The following CANX variants were observed in gnomAD, a reference collection of about 807,000 sequenced individuals.
The protein encoded by CANX is epididymis secretory sperm binding protein.
In CANX, 14 loss-of-function variants were observed where a neutral mutation model predicts 75.7. The ratio of observed to expected loss-of-function variants is 0.19; its 90% CI spans 0.12 to 0.29. The LOEUF is 0.29. CANX is among the 10% of genes least tolerant of loss of function. The pLI is 1.00. For synonymous variants in CANX, 227 were observed against 236.9 expected (o/e 0.96, Z 0.38); for missense variants, 567 against 713.2 (o/e 0.79, Z 2.34).
At chr5:179,719,154 C>T (rs1778150551) in intron 8 of CANX, among the ~76,000 whole-genome samples, 2 of 152,208 alleles carry the variant, frequency 1.3e-5, no homozygotes, top group Non-Finnish European at 2.9e-5. Context: ...ATTGCTGGGT[C>T]ATGTGGTAAC....
intron 1 of CANX, among the ~76,000 whole-genome samples, chr5:179,689,547 T>C (rs1488963065): frequency 6.6e-6 from 1 of 151,866 alleles, no homozygotes; most frequent in East Asian, 1.9e-4. Flanking sequence ...GCCACAATGC[T>C]TGGCTAATTT....
chr5:179,686,838 C>T (rs1286276910), intron 1 of CANX, among the ~76,000 whole-genome samples: 1 of 152,148 alleles, frequency 6.6e-6, no homozygotes, highest in Non-Finnish European at 1.5e-5. Context: ...GGGTGCAATG[C>T]ACAGTCTCGG....
Position 179,719,789 on chromosome 5 carries a change from C to G in CANX, c.1025+8C>G. On this transcript the variant is annotated splice_region_variant and intron_variant, in intron 9 of 14. Coordinates refer to ENST00000247461, the MANE Select transcript of CANX (RefSeq NM_001746.4). ...AGAGAAACCTGAGGATTGGTAAGAACTTCAGTTAACTTTTTTTAATTACCT... is the reference window on the plus strand; with the variant it reads ...AGAGAAACCTGAGGATTGGTAAGAAGTTCAGTTAACTTTTTTTAATTACCT... 1 of 1,441,670 alleles carries G rather than the reference C, an allele frequency of 6.9e-7. No individual in the cohort carries two copies. The highest frequency in any genetic ancestry group is 1.4e-5 in the African/African-American group (1 of 69,756). The allele number at this position is 1,441,670 out of a possible 1,614,324, so 89.3% of individuals were successfully genotyped here.
rs1415267225 is a variant in CANX at position 179,731,581 on chromosome 5, AC to A, written c.*2938del. 6.6e-6 allele frequency among the ~76,000 whole-genome samples: 1 copy of A among 152,050 alleles called. No homozygotes were observed. The highest frequency in any genetic ancestry group is 1.5e-5 in the Non-Finnish European group (1 of 68,020). On this transcript the variant is annotated 3_prime_UTR_variant, in exon 15 of 15. Coordinates refer to ENST00000247461, the MANE Select transcript of CANX (RefSeq NM_001746.4). ...ATTTTTCTGCTGCGTTTGTATGAAG[AC>A]ATATTTGATTGTTGTTTTCTCTTGA...
rs1347686827 is a variant in CANX at position 179,710,193 on chromosome 5, T to A, written c.721+128T>A. On this transcript the variant is annotated intron_variant, in intron 7 of 14. Transcript: ENST00000247461. ...ATCCCAGCACTTTGGGAGGCCGAGA[T>A]GGGCAGATCACCTGAGATCAGGAAT... The A allele has an allele frequency of 5.3e-6, 3 of 564,750 alleles. No individual in the cohort carries two copies. The South Asian group carries it at 6.8e-5, about 13-fold the overall frequency. 35.0% of individuals were successfully genotyped at this position (564,750 alleles called of 1,614,324 possible).
chr5:179,689,379 GTTTTTTT>G (rs958473912), intron 1 of CANX, among the ~76,000 whole-genome samples: 7 of 83,674 alleles, frequency 8.4e-5, no homozygotes, highest in East Asian at 4.1e-4. Context: ...AACCCAACAA[GTTTTTTT>G]TTTTTTTTTT....
intron 7 of CANX, among the ~76,000 whole-genome samples, chr5:179,710,690 A>G (rs1024594118): frequency 2.8e-4 from 36 of 130,190 alleles, no homozygotes; most frequent in African/African-American, 1.0e-3. Context: ...CCTAGGAGAC[A>G]GAGCAAGACT....
intron 8 of CANX, among the ~76,000 whole-genome samples, chr5:179,717,257 G>C (rs1778020234): frequency 6.6e-6 from 1 of 152,086 alleles, no homozygotes; most frequent in Admixed American, 6.6e-5. Flanking sequence ...TAAATGCCAA[G>C]TTTACTTGTA....
intron 8 of CANX, among the ~76,000 whole-genome samples, chr5:179,717,995 C>T (rs1347723528): frequency 2.0e-5 from 3 of 152,038 alleles, no homozygotes; most frequent in Admixed American, 6.6e-5. Context: ...GGATTGCAGG[C>T]GTGAGCCACC....
intron 1 of CANX, among the ~76,000 whole-genome samples, chr5:179,702,887 A>G (rs1159137437): frequency 6.6e-6 from 1 of 152,000 alleles, no homozygotes; most frequent in Non-Finnish European, 1.5e-5. Context: ...CTCCTGCCTC[A>G]GCCTCCTGAG....
At chr5:179,725,727 C>T (rs1778614215) in intron 13 of CANX, among the ~76,000 whole-genome samples, 1 of 148,174 alleles carries the variant, frequency 6.7e-6, no homozygotes, top group Non-Finnish European at 1.5e-5. Context: ...TGGTGGCTCA[C>T]GCCTGTAATC....
At chr5:179,694,869 A>C (rs1227173912), upstream of CANX, 3 of 383,274 alleles carry the variant, frequency 7.8e-6, no homozygotes, top group Admixed American at 3.8e-5. Context: ...AAAGGTAGGC[A>C]TGAGCAAGGA....
In CANX at chr5:179,699,092, GGAGGCTA is replaced by G; in HGVS notation, c.-9_-4+1del. 1 of 1,074,328 alleles carries G rather than the reference GGAGGCTA, an allele frequency of 9.3e-7. No homozygotes were observed. The allele number at this position is 1,074,328 out of a possible 1,614,324, so 66.5% of individuals were successfully genotyped here. ...GGCACGGGCACCCCCGCGGTCCCCG[GGAGGCTA>G]GAGGTGAGAGGGGAGACCTGAGCGC... On this transcript the variant is annotated 5_prime_UTR_variant, in exon 1 of 15. Transcript: ENST00000247461.
At chr5:179,719,524 T>C (rs1778172030) in intron 8 of CANX, 144 bp from the exon 9 acceptor site, 2 of 512,810 alleles carry the variant, frequency 3.9e-6, no homozygotes, top group African/African-American at 3.9e-5. Flanking sequence ...AGCAGATATA[T>C]GATTTACAAG....
At chr5:179,699,196 A>G (rs1236107355) in intron 1 of CANX, 94 bp downstream of exon 1, 1 of 766,170 alleles carries the variant, frequency 1.3e-6, no homozygotes, top group Non-Finnish European at 1.6e-6. Context: ...GTGGCCGGCG[A>G]CTGAGGGGTC....
intron 1 of CANX, among the ~76,000 whole-genome samples, chr5:179,686,175 G>A (rs1280005297): frequency 7.2e-6 from 1 of 139,528 alleles, no homozygotes. Flanking sequence ...TTGGCTCACT[G>A]CAACCTCCAC....
At chr5:179,705,344 G>A (rs1307487671) in intron 1 of CANX, among the ~76,000 whole-genome samples, 1 of 152,178 alleles carries the variant, frequency 6.6e-6, no homozygotes, top group African/African-American at 2.4e-5. Context: ...GTATGAAAGG[G>A]CTTTTGTCTG....
In CANX at chr5:179,728,809, C is replaced by T. The variant is rs1011520237; in HGVS notation, c.*165C>T. On this transcript the variant is annotated 3_prime_UTR_variant, in exon 15 of 15. Transcript: ENST00000247461. ...AGTCTGTGTAACTTTAAACATCTAG[C>T]AGTAAATACTTGCAGTTGTGATATA... 2 of 702,904 alleles carry T rather than the reference C, an allele frequency of 2.8e-6. No individual in the cohort carries two copies. Among genetic ancestry groups the T allele is most frequent in the African/African-American group, 3.5e-5 (2 of 56,922 alleles). 43.5% of individuals were successfully genotyped at this position (702,904 alleles called of 1,614,324 possible).
In CANX at chr5:179,707,155, A is replaced by G; in HGVS notation, c.269A>G (p.Lys90Arg). The G allele has an allele frequency of 6.2e-7, 1 of 1,602,082 alleles. No individual in the cohort carries two copies. Among genetic ancestry groups the G allele is most frequent in the East Asian group, 2.2e-5 (1 of 44,806 alleles). The change falls in exon 4 of 15, where the codon AAA (lysine) becomes AGA (arginine). Residue 90 changes from lysine (K) to arginine (R), a missense_variant. Transcript: ENST00000247461. Reference sequence around the variant, plus strand: ...AGGTGGATTTTATCCAAAGCCAAGAAAGACGATACCGATGATGAAATTGCC... The same window carrying G: ...AGGTGGATTTTATCCAAAGCCAAGAGAGACGATACCGATGATGAAATTGCC... ...LSGWILSKAK[K>R]DDTDDEIAKY...
Sources: allele counts gnomAD v4.1 joint callset (sites outside exome capture counted in the v4.1 genomes callset), GRCh38; gene constraint gnomAD v4.1.1; transcripts MANE v1.5; gene names NCBI Gene and HGNC (gene_info 2026-07-23, HGNC 2026-07-21).